The following DPP10 variants were observed in gnomAD, a reference collection of about 807,000 sequenced individuals.
DPP10 encodes the protein inactive dipeptidyl peptidase 10.
A neutral mutation model predicts 120.9 loss-of-function variants in DPP10; 33 were observed. The ratio of observed to expected loss-of-function variants is 0.27; its 90% CI spans 0.21 to 0.37. The LOEUF is 0.37. Ranked by LOEUF, DPP10 falls within the 10% of genes least tolerant of loss-of-function variation. The pLI is 1.00. For missense variants in DPP10, 816 were observed against 942.8 expected (o/e 0.87, Z 1.76); for synonymous variants, 337 against 326.1 (o/e 1.03, Z -0.36).
intron 1 of DPP10, among the ~76,000 whole-genome samples, chr2:114,991,039 A>T (rs1338673446): frequency 6.6e-6 from 1 of 152,234 alleles, no homozygotes; most frequent in Non-Finnish European, 1.5e-5. Context: ...TAAATAAAAA[A>T]ATTAAATAAT....
intron 1 of DPP10, among the ~76,000 whole-genome samples, chr2:114,590,104 G>A (rs1236187377): frequency 1.3e-5 from 2 of 151,958 alleles, no homozygotes; most frequent in African/African-American, 4.8e-5. Flanking sequence ...ATGTGCATAT[G>A]TTTATTATAA....
At chr2:114,792,789 T>C (rs982322285) in intron 1 of DPP10, among the ~76,000 whole-genome samples, 1 of 152,222 alleles carries the variant, frequency 6.6e-6, no homozygotes, top group African/African-American at 2.4e-5. Context: ...GAAATATTTC[T>C]GGAACAATTA....
intron 8 of DPP10, among the ~76,000 whole-genome samples, chr2:115,738,332 G>A (rs928988089): frequency 6.6e-6 from 1 of 152,114 alleles, no homozygotes; most frequent in South Asian, 2.1e-4. Flanking sequence ...CACAATCATG[G>A]TTTCAAGCTT....
intron 3 of DPP10, among the ~76,000 whole-genome samples, chr2:115,359,476 G>T (rs1489994802): frequency 6.6e-6 from 1 of 152,118 alleles, no homozygotes; most frequent in African/African-American, 2.4e-5. Flanking sequence ...TAAGGCTTCT[G>T]ATGACAATCC....
At chr2:115,095,731 G>C (rs1223317088) in intron 1 of DPP10, among the ~76,000 whole-genome samples, 1 of 151,828 alleles carries the variant, frequency 6.6e-6, no homozygotes, top group Non-Finnish European at 1.5e-5. Flanking sequence ...AAATACACAT[G>C]AGCAATGGAA....
chr2:115,672,700 T>TTCTTTCTTCCTCTTTCTTTCTCTTTCTC (rs2089991576), intron 5 of DPP10, among the ~76,000 whole-genome samples: 1 of 147,240 alleles, frequency 6.8e-6, no homozygotes, highest in African/African-American at 2.5e-5. Context: ...CTTTCTTTCT[T>TTCTTTCTTCCTCTTTCTTTCTCTTTCTC]TCTTTCTTTC....
At chr2:114,447,527 A>G (rs1191661414) in intron 1 of DPP10, among the ~76,000 whole-genome samples, 1 of 152,216 alleles carries the variant, frequency 6.6e-6, no homozygotes, top group Non-Finnish European at 1.5e-5. Context: ...TCATTATTAC[A>G]GTATATGAAA....
At chr2:114,714,065 TTGTGTTTGTG>T (rs1408535301) in intron 1 of DPP10, among the ~76,000 whole-genome samples, 1 of 116,838 alleles carries the variant, frequency 8.6e-6, no homozygotes, top group Non-Finnish European at 1.8e-5. Context: ...CTGAGTGGAT[TTGTGTTTGTG>T]TGTGTGTGTG....
chr2:114,599,026 T>G (rs1347002711), intron 1 of DPP10, among the ~76,000 whole-genome samples: 1 of 151,862 alleles, frequency 6.6e-6, no homozygotes, highest in Non-Finnish European at 1.5e-5. Flanking sequence ...AAAAGAGTTC[T>G]GCGTTTGCTT....
At chr2:114,993,582 A>G (rs59643647) in intron 1 of DPP10, among the ~76,000 whole-genome samples, 8 of 122,664 alleles carry the variant, frequency 6.5e-5, no homozygotes, top group African/African-American at 1.9e-4. Context: ...GTGTGTGTGT[A>G]TATATATATA....
intron 1 of DPP10, among the ~76,000 whole-genome samples, chr2:114,697,701 G>T (rs1239344555): frequency 7.1e-6 from 1 of 141,332 alleles, no homozygotes; most frequent in Non-Finnish European, 1.5e-5. Context: ...AGTGAGCTGA[G>T]ATCGCGCAAC....
intron 7 of DPP10, among the ~76,000 whole-genome samples, chr2:115,723,441 G>A (rs1028917664): frequency 7.9e-5 from 12 of 152,106 alleles, no homozygotes; most frequent in Non-Finnish European, 1.3e-4. Flanking sequence ...AGTCATGAAT[G>A]TTATTATATG....
At chr2:115,410,595 C>A (rs1227782431) in intron 3 of DPP10, among the ~76,000 whole-genome samples, 2 of 152,164 alleles carry the variant, frequency 1.3e-5, no homozygotes, top group Admixed American at 1.3e-4. Context: ...TGTAACAAAC[C>A]TGCACATGCA....
At chr2:115,467,947 T>G in intron 3 of DPP10, 1 of 225,860 alleles carries the variant, frequency 4.4e-6, no homozygotes. Flanking sequence ...AAGAGAATCA[T>G]GAAGATTATC....
intron 3 of DPP10, among the ~76,000 whole-genome samples, chr2:115,426,094 G>A (rs112325082): frequency 1.7e-3 from 221 of 132,520 alleles, no homozygotes; most frequent in African/African-American, 5.5e-3. Context: ...CACCTCCGAC[G>A]CTGGAGATGA....
At chr2:115,525,711 G>T (rs896675082) in intron 4 of DPP10, among the ~76,000 whole-genome samples, 187 bp from the exon 5 acceptor site, 2 of 151,800 alleles carry the variant, frequency 1.3e-5, no homozygotes, top group South Asian at 2.1e-4. Flanking sequence ...TGTCTAATAT[G>T]TCCTCTTTAA....
At chr2:114,647,514 A>G (rs1696228869) in intron 1 of DPP10, among the ~76,000 whole-genome samples, 1 of 152,102 alleles carries the variant, frequency 6.6e-6, no homozygotes, top group South Asian at 2.1e-4. Context: ...TAATAATGAT[A>G]TCCTTTGGCT....
At chr2:114,796,009 G>GT (rs1360193451) in intron 1 of DPP10, among the ~76,000 whole-genome samples, 1 of 152,120 alleles carries the variant, frequency 6.6e-6, no homozygotes, top group Admixed American at 6.6e-5. Flanking sequence ...GCCACCTCCA[G>GT]TTGCTATTAT....
intron 5 of DPP10, among the ~76,000 whole-genome samples, chr2:115,653,741 A>C (rs531567237): frequency 9.9e-5 from 15 of 151,916 alleles, no homozygotes; most frequent in Non-Finnish European, 1.9e-4. Flanking sequence ...TGTGATAATA[A>C]AAGGAATGAT....
Sources: gnomAD v4.1 joint callset for allele counts (sites outside exome capture counted in the v4.1 genomes callset) on GRCh38, gnomAD v4.1.1 for gene constraint, MANE v1.5 for transcripts, NCBI Gene and HGNC (gene_info 2026-07-23, HGNC 2026-07-21) for gene names.